SEMA4D: variants seen among roughly 807,000 people sequenced by gnomAD.
The protein encoded by SEMA4D is semaphorin 4D.
Under a neutral mutation model 74.8 loss-of-function variants are expected in SEMA4D, and 22 were observed. That is an observed-to-expected ratio of 0.29 (90% CI 0.21 to 0.42). The LOEUF is 0.42. Among genes scored for constraint, SEMA4D ranks in the 10% least tolerant of loss-of-function variants. The pLI is 1.00. For synonymous variants in SEMA4D, 445 were observed against 463.7 expected (o/e 0.96, Z 0.52); for missense variants, 937 against 1,118.4 (o/e 0.84, Z 2.31).
At chr9:89,429,234 G>A (rs779585687) in intron 2 of SEMA4D, among the ~76,000 whole-genome samples, 1 of 152,176 alleles carries the variant, frequency 6.6e-6, no homozygotes, top group Non-Finnish European at 1.5e-5. Context: ...GTACCAGGCC[G>A]GCGGCCACCT....
In SEMA4D at chr9:89,381,393, C is replaced by G. The variant is rs773477941; in HGVS notation, c.1447-47G>C. Reference sequence around the variant, plus strand: ...GAACTAGCATCAGGCAAGCAGGCATCCAGGAGCATGGCCTCTGCTTCTGCA... The same window carrying G: ...GAACTAGCATCAGGCAAGCAGGCATGCAGGAGCATGGCCTCTGCTTCTGCA... On this transcript the variant is annotated intron_variant, in intron 13 of 15. Coordinates refer to ENST00000422704, the MANE Select transcript of SEMA4D (RefSeq NM_001371194.2). The surrounding 1 kb of genome is among the most constrained non-coding windows in gnomAD (Gnocchi z 4.6). The G allele has an allele frequency of 2.9e-5, 42 of 1,440,198 alleles. No homozygotes were observed. The East Asian group carries it at 1.1e-3, about 36-fold the overall frequency. 89.2% of individuals were successfully genotyped at this position (1,440,198 alleles called of 1,614,324 possible).
rs757857829 is a variant in SEMA4D at position 89,379,236 on chromosome 9, G to C, written c.2057C>G (p.Ala686Gly). The change falls in exon 16 of 16, where the codon GCC (alanine) becomes GGC (glycine). Residue 686 changes from alanine (A) to glycine (G), a missense_variant. Ala to Gly is a moderately conservative substitution (Grantham distance 60). Transcript: ENST00000422704. ...GGCCCCGGAGGAGGTGGCCTGCACG[G>C]CTGGGGTTGGGGGAGAAGACCCTTG... Reference protein sequence around the residue: ...STQGSSPPTPAVQATSSGAIT... With the variant: ...STQGSSPPTPGVQATSSGAIT... The C allele has an allele frequency of 6.8e-6, 11 of 1,613,966 alleles. No homozygotes were observed. In the African/African-American group the frequency reaches 1.5e-4, roughly 22 times the overall value.
intron 16 of SEMA4D, among the ~76,000 whole-genome samples, chr9:89,370,185 TGTG>T (rs943952140): frequency 4.0e-5 from 6 of 151,112 alleles, no homozygotes; most frequent in African/African-American, 7.3e-5. Flanking sequence ...TGGTGTTTGA[TGTG>T]TGTGTGGTGT....
chr9:89,423,808 ATCCCTCAGCACCTCCCC>A (rs1000783962), intron 2 of SEMA4D, among the ~76,000 whole-genome samples: 4 of 22,758 alleles, frequency 1.8e-4, no homozygotes, highest in African/African-American at 1.8e-4. Flanking sequence ...CCCTCCACTA[ATCCCTCAGCACCTCCCC>A]TCCCTCAGCT....
chr9:89,482,929 A>G (rs557560327), intron 1 of SEMA4D, among the ~76,000 whole-genome samples: 27 of 152,328 alleles, frequency 1.8e-4, no homozygotes, highest in African/African-American at 5.5e-4. Flanking sequence ...ACTCTCTTCC[A>G]GTTGAAATAA....
chr9:89,428,421 A>T (rs1471791708), intron 2 of SEMA4D, among the ~76,000 whole-genome samples: 1 of 152,224 alleles, frequency 6.6e-6, no homozygotes, highest in African/African-American at 2.4e-5. Flanking sequence ...TGCCCCAGCC[A>T]CCAGAGAGGG....
At chr9:89,454,151 G>C (rs1392046951) in intron 2 of SEMA4D, among the ~76,000 whole-genome samples, 1 of 152,174 alleles carries the variant, frequency 6.6e-6, no homozygotes, top group Non-Finnish European at 1.5e-5. Context: ...TCTATGATGT[G>C]AAAGCTGCAT....
At chr9:89,428,149 T>G (rs1026129125) in intron 2 of SEMA4D, among the ~76,000 whole-genome samples, 2 of 152,110 alleles carry the variant, frequency 1.3e-5, no homozygotes, top group Non-Finnish European at 2.9e-5. Flanking sequence ...TGACCACCGC[T>G]GACCTGTCAT....
At position 89,392,458 on chromosome 9, in the gene SEMA4D, G is replaced by A. The variant is rs1047935225; in HGVS notation, c.587C>T (p.Pro196Leu). The A allele has an allele frequency of 8.7e-6, 14 of 1,613,620 alleles. No individual in the cohort carries two copies. Among genetic ancestry groups the A allele is most frequent in the African/African-American group, 1.3e-5 (1 of 74,882 alleles). The change falls in exon 8 of 16, where the codon CCT becomes CTT. Residue 196 changes from proline to leucine, a missense_variant. Pro to Leu is a moderately conservative substitution (Grantham distance 98). Transcript: ENST00000422704. ...PIISRNSSHS[P>L]LRTEYAIPWL... Reference sequence around the variant, plus strand: ...AGGGATTGCATATTCTGTCCTCAGAGGACTGTGGGAAGAATTTCGGGAGAT... The same window carrying A: ...AGGGATTGCATATTCTGTCCTCAGAAGACTGTGGGAAGAATTTCGGGAGAT...
At chr9:89,415,260 T>C (rs1290048814) in intron 2 of SEMA4D, among the ~76,000 whole-genome samples, 1 of 152,216 alleles carries the variant, frequency 6.6e-6, no homozygotes, top group Non-Finnish European at 1.5e-5. Context: ...TCCACTGGCC[T>C]AATGTTGACC....
chr9:89,446,881 G>A (rs1377869281), intron 2 of SEMA4D, among the ~76,000 whole-genome samples: 1 of 152,192 alleles, frequency 6.6e-6, no homozygotes, highest in African/African-American at 2.4e-5. Flanking sequence ...CCAGCTCGGA[G>A]GACTCGAAGT....
At chr9:89,410,907 C>T (rs1254492589) in intron 2 of SEMA4D, among the ~76,000 whole-genome samples, 1 of 152,236 alleles carries the variant, frequency 6.6e-6, no homozygotes, top group Non-Finnish European at 1.5e-5. Flanking sequence ...AATTCCCCAT[C>T]TAGTCAAATT....
At chr9:89,420,150 G>A in intron 2 of SEMA4D, among the ~76,000 whole-genome samples, 1 of 152,096 alleles carries the variant, frequency 6.6e-6, no homozygotes, top group East Asian at 1.9e-4. Context: ...CCAGCTGGGG[G>A]TTCATATCTA....
intron 13 of SEMA4D, chr9:89,385,502 C>T (rs1318937870): frequency 1.0e-5 from 10 of 985,294 alleles, no homozygotes; most frequent in Non-Finnish European, 4.8e-6. Flanking sequence ...GACCGAGAGG[C>T]TGGTGAACAG....
chr9:89,458,822 TCATA>T (rs1588048938), intron 1 of SEMA4D, among the ~76,000 whole-genome samples: 2 of 151,492 alleles, frequency 1.3e-5, no homozygotes, highest in East Asian at 1.9e-4. Flanking sequence ...AAACACACAC[TCATA>T]CACACACGGA....
At chr9:89,491,338 G>C (rs1825606641) in intron 1 of SEMA4D, among the ~76,000 whole-genome samples, 1 of 152,196 alleles carries the variant, frequency 6.6e-6, no homozygotes, top group South Asian at 2.1e-4. Context: ...GGGAGGCCGA[G>C]GAGGGTGGAT....
intron 2 of SEMA4D, chr9:89,418,042 TA>T: frequency 2.1e-6 from 2 of 966,824 alleles, no homozygotes; most frequent in Non-Finnish European, 2.5e-6. Context: ...AGATCATGAA[TA>T]AAGTGGTTTT....
intron 1 of SEMA4D, among the ~76,000 whole-genome samples, chr9:89,481,453 A>ATTTCT (rs1824674262): frequency 6.6e-6 from 1 of 152,242 alleles, no homozygotes; most frequent in African/African-American, 2.4e-5. Flanking sequence ...AAGTGGAGCC[A>ATTTCT]TAAGAACTGG....
chr9:89,403,457 TATTCAGGAAAAGA>T (rs555836531), intron 3 of SEMA4D, among the ~76,000 whole-genome samples: 4 of 152,248 alleles, frequency 2.6e-5, no homozygotes, highest in Non-Finnish European at 4.4e-5. Flanking sequence ...AGGATTTTCT[TATTCAGGAAAAGA>T]ATGTTTTACT....
Sources: allele counts gnomAD v4.1 joint callset (sites outside exome capture counted in the v4.1 genomes callset), GRCh38; gene constraint gnomAD v4.1.1; non-coding constraint Gnocchi (gnomAD v3.1); transcripts MANE v1.5; gene names NCBI Gene and HGNC (gene_info 2026-07-23, HGNC 2026-07-21).